Variants in PCDHGB5 observed in about 807,000 individuals in gnomAD.
PCDHGB5 encodes the protein protocadherin gamma subfamily B, 5, also known as protocadherin gamma-B5.
A neutral mutation model predicts 62.9 loss-of-function variants in PCDHGB5; 48 were observed. The ratio of observed to expected loss-of-function variants is 0.76; its 90% CI spans 0.61 to 0.97. The LOEUF (loss-of-function observed/expected upper bound fraction) is 0.97. Among genes scored for constraint, PCDHGB5 ranks in the 50% least tolerant of loss-of-function variants. PCDHGB5 has a pLI of 0.00. For synonymous variants in PCDHGB5, 474 were observed against 511.2 expected, an observed-to-expected ratio of 0.93 and a Z score of 0.98; for missense variants, 1,118 against 1,198.6, an observed-to-expected ratio of 0.93 and a Z score of 0.99.
rs1016254258 is a variant in PCDHGB5 at position 141,489,870 on chromosome 5, G to C, written c.2398-4937G>C. ...GTGAAGCCCAGGCAAGACATCAGCT[G>C]GTGCTTACTGCTGTGGATGGGGGGA... On this transcript the variant is annotated intron_variant, in intron 1 of 3. Transcript: ENST00000617380. The surrounding 1 kb of genome is among the most constrained non-coding windows in gnomAD (Gnocchi z 4.5). The C allele has an allele frequency of 2.0e-5, 32 of 1,614,102 alleles. No homozygotes were observed. Among genetic ancestry groups the C allele is most frequent in the African/African-American group, 4.0e-5 (3 of 74,944 alleles).
rs1350353768 is a variant in PCDHGB5, at chr5:141,476,524, T to A, written c.2398-18283T>A. Reference sequence around the variant, plus strand: ...TCAACGACAACAATCCTGCTTTCCCTACCCAGGAAATGAAATTGGAGATTA... The same window carrying A: ...TCAACGACAACAATCCTGCTTTCCCAACCCAGGAAATGAAATTGGAGATTA... On this transcript the variant is annotated intron_variant, in intron 1 of 3. Coordinates refer to ENST00000617380, the MANE Select transcript of PCDHGB5 (RefSeq NM_018925.3). The surrounding 1 kb of genome is among the most constrained non-coding windows in gnomAD (Gnocchi z 7.6). The A allele has an allele frequency of 1.2e-5, 20 of 1,614,064 alleles. No homozygotes were observed. The highest frequency in any genetic ancestry group is 1.7e-5 in the Non-Finnish European group (20 of 1,180,036).
intron 1 of PCDHGB5, chr5:141,408,678 A>G (rs758302984): frequency 2.5e-6 from 4 of 1,613,862 alleles, no homozygotes; most frequent in African/African-American, 1.3e-5. Context: ...CCTGCCACGG[A>G]TCCTGATATA....
At chr5:141,423,557 G>C in intron 1 of PCDHGB5, 2 of 1,613,654 alleles carry the variant, frequency 1.2e-6, no homozygotes, top group Non-Finnish European at 1.7e-6. Context: ...CCCAACTATG[G>C]GGACACGCTC....
intron 3 of PCDHGB5, among the ~76,000 whole-genome samples, chr5:141,509,164 C>A (rs1454864362): frequency 6.6e-6 from 1 of 152,188 alleles, no homozygotes; most frequent in Non-Finnish European, 1.5e-5. Context: ...TCCCGTGTGC[C>A]CTCCTCCTCT....
chr5:141,439,676 G>A (rs543598257), intron 1 of PCDHGB5, among the ~76,000 whole-genome samples: 27 of 152,292 alleles, frequency 1.8e-4, no homozygotes, highest in Admixed American at 1.0e-3. Flanking sequence ...GCAAATCCAA[G>A]AGCAGACCCA....
intron 1 of PCDHGB5, among the ~76,000 whole-genome samples, chr5:141,479,053 A>G (rs534968614): frequency 9.2e-5 from 14 of 152,334 alleles, no homozygotes; most frequent in African/African-American, 3.1e-4. Context: ...TCATTCTCAG[A>G]TAATTTTTTA....
chr5:141,431,066 CAATT>C lies in PCDHGB5; in HGVS notation c.2397+30545_2397+30548del, dbSNP rs762972663. ...GCTCTGTATGGGGGCCATCAAGTGT[CAATT>C]AAATCTAGACATTCTGATGGAGGAT... On this transcript the variant is annotated intron_variant, in intron 1 of 3. Transcript: ENST00000617380. This position sits in a 1 kb window ranked among gnomAD's most constrained non-coding sequence, Gnocchi z 4.8. 9 of 1,614,042 alleles carry C rather than the reference CAATT, an allele frequency of 5.6e-6. No individual in the cohort carries two copies. The East Asian group carries it at 2.0e-4, about 36-fold the overall frequency.
In PCDHGB5 at chr5:141,432,219, T is replaced by A. The variant is rs1327611752; in HGVS notation, c.2397+31695T>A. 6.2e-7 allele frequency: 1 copy of A among 1,614,122 alleles called. No homozygotes were observed. Among genetic ancestry groups the A allele is most frequent in the East Asian group, 2.2e-5 (1 of 44,868 alleles). On this transcript the variant is annotated intron_variant, in intron 1 of 3. Transcript: ENST00000617380. The surrounding 1 kb of genome is among the most constrained non-coding windows in gnomAD (Gnocchi z 6.0). The stretch of plus-strand genomic sequence containing the variant: ...CCCGACTGTGAAGAGAACGCCCAGA[T>A]CACTTATTCCCTGGCTGAGAACACC...
chr5:141,506,435 G>A (rs1470687416), intron 3 of PCDHGB5, among the ~76,000 whole-genome samples: 7 of 126,234 alleles, frequency 5.5e-5, no homozygotes, highest in African/African-American at 2.0e-4. Context: ...CAACAGTCTC[G>A]CTCTGTCTCA....
intron 3 of PCDHGB5, among the ~76,000 whole-genome samples, chr5:141,510,162 A>C (rs947806998): frequency 6.6e-6 from 1 of 151,838 alleles, no homozygotes; most frequent in Non-Finnish European, 1.5e-5. Flanking sequence ...AATCTCAGCT[A>C]CTCAGGAGGT....
intron 3 of PCDHGB5, among the ~76,000 whole-genome samples, chr5:141,508,957 C>T (rs1242113190): frequency 6.6e-6 from 1 of 151,976 alleles, no homozygotes; most frequent in Non-Finnish European, 1.5e-5. Context: ...GAAATGTCAG[C>T]GGAATGAAAG....
intron 1 of PCDHGB5, among the ~76,000 whole-genome samples, chr5:141,482,782 G>T (rs775083331): frequency 1.6e-4 from 25 of 152,154 alleles, no homozygotes; most frequent in Non-Finnish European, 3.2e-4. Context: ...ACCTTAAACT[G>T]TGTGTGTGGC....
rs368105487 is a variant in PCDHGB5 at position 141,489,478 on chromosome 5, A to G, written c.2398-5329A>G. On this transcript the variant is annotated intron_variant, in intron 1 of 3. Transcript: ENST00000617380. This position sits in a 1 kb window ranked among gnomAD's most constrained non-coding sequence, Gnocchi z 4.5. Reference sequence around the variant, plus strand: ...TGGGCGCTATTTTTCCCTGAGCTTGATGAGTGGTGCCCTGGCAGTGAATCA... The same window carrying G: ...TGGGCGCTATTTTTCCCTGAGCTTGGTGAGTGGTGCCCTGGCAGTGAATCA... The G allele has an allele frequency of 1.1e-5, 18 of 1,613,956 alleles. No individual in the cohort carries two copies. The highest frequency in any genetic ancestry group is 1.5e-5 in the Non-Finnish European group (18 of 1,180,030).
chr5:141,476,986 C>A lies in PCDHGB5; in HGVS notation c.2398-17821C>A. ...CCTTCGGCAGCCACAACCGCGCCGG[C>A]GTGCGGCAACTATTCGCCTTAGACC... On this transcript the variant is annotated intron_variant, in intron 1 of 3. Transcript: ENST00000617380. The surrounding 1 kb of genome is among the most constrained non-coding windows in gnomAD (Gnocchi z 7.6). 6.2e-7 allele frequency: 1 copy of A among 1,614,218 alleles called. No individual in the cohort carries two copies. The highest frequency in any genetic ancestry group is 8.5e-7 in the Non-Finnish European group (1 of 1,180,042).
In PCDHGB5 at chr5:141,431,779, G is replaced by A; in HGVS notation, c.2397+31255G>A. 2 of 1,614,232 alleles carry A rather than the reference G, an allele frequency of 1.2e-6. No individual in the cohort carries two copies. Among genetic ancestry groups the A allele is most frequent in the Non-Finnish European group, 1.7e-6 (2 of 1,180,030 alleles). ...AAGTCCTGATCACTGTTCTGGACGT[G>A]AACGACAATGCCCCAGAAGTGGTCC... On this transcript the variant is annotated intron_variant, in intron 1 of 3. Transcript: ENST00000617380. This position sits in a 1 kb window ranked among gnomAD's most constrained non-coding sequence, Gnocchi z 4.8.
chr5:141,403,052 T>G (rs1336291522), intron 1 of PCDHGB5: 4 of 1,614,066 alleles, frequency 2.5e-6, no homozygotes, highest in Admixed American at 1.7e-5. Context: ...GATTCGCTAC[T>G]CAGTGCCTGA....
intron 1 of PCDHGB5, chr5:141,421,414 C>G: frequency 6.2e-7 from 1 of 1,614,066 alleles, no homozygotes; most frequent in Non-Finnish European, 8.5e-7. Flanking sequence ...GCTGGCGAAG[C>G]GCGGAGTCCG....
Position 141,476,562 on chromosome 5 carries a change from C to G in PCDHGB5, c.2398-18245C>G. 1 of 1,614,218 alleles carries G rather than the reference C, an allele frequency of 6.2e-7. No individual in the cohort carries two copies. The highest frequency in any genetic ancestry group is 1.1e-5 in the South Asian group (1 of 91,088). On this transcript the variant is annotated intron_variant, in intron 1 of 3. Transcript: ENST00000617380. This position sits in a 1 kb window ranked among gnomAD's most constrained non-coding sequence, Gnocchi z 7.6. The stretch of plus-strand genomic sequence containing the variant: ...AAATTGGAGATTAGCGAGGCCGTGG[C>G]TCCGGGGACGCGCTTTCCGCTCGAG...
chr5:141,399,174 T>G lies in PCDHGB5; in HGVS notation c.1047T>G (p.Leu349=). 2 of 1,613,818 alleles carry G rather than the reference T, an allele frequency of 1.2e-6. No individual in the cohort carries two copies. The highest frequency in any genetic ancestry group is 1.7e-6 in the Non-Finnish European group (2 of 1,179,764). The change falls in exon 1 of 4, where the codon CTT becomes CTG. Residue 349 remains leucine (L), a synonymous_variant. Coordinates refer to ENST00000617380, the MANE Select transcript of PCDHGB5 (RefSeq NM_018925.3). ...CAGAAGTTACATTCCATTCTCTACT[T>G]GAAATGATTCTGGAAAACGCGGTGC... ...NSPEVTFHSL[L]EMILENAVPG... is the part of the protein sequence containing the mutation.
Sources: gnomAD v4.1 joint callset for allele counts (sites outside exome capture counted in the v4.1 genomes callset) on GRCh38, gnomAD v4.1.1 for gene constraint, Gnocchi (gnomAD v3.1) non-coding constraint, MANE v1.5 for transcripts, NCBI Gene and HGNC (gene_info 2026-07-23, HGNC 2026-07-21) for gene names.